OR2L13: variants seen among roughly 807,000 people sequenced by gnomAD.
The protein encoded by OR2L13 is olfactory receptor 2L13.
OR2L13 carries 14 observed loss-of-function variants against 15.3 expected under a neutral mutation model. The ratio of observed to expected loss-of-function variants is 0.91; its 90% CI spans 0.60 to 1.43. The LOEUF (loss-of-function observed/expected upper bound fraction) is 1.43, where lower values mean the gene tolerates loss of function less well. Among genes scored for constraint, OR2L13 ranks in the 40% most tolerant of loss-of-function variants. The pLI is 0.00. For synonymous variants in OR2L13, 152 were observed against 142.9 expected (o/e 1.06, Z -0.45); for missense variants, 367 against 387.9 (o/e 0.95, Z 0.45).
At chr1:247,957,394 C>T in the OR2L13 span, among the ~76,000 whole-genome samples, 2 of 152,102 alleles carry the variant, frequency 1.3e-5, no homozygotes, top group South Asian at 2.1e-4. Context: ...GGATATTGGT[C>T]TAAAATTCTC....
chr1:248,020,573 T>A, the OR2L13 span, among the ~76,000 whole-genome samples: 1 of 152,030 alleles, frequency 6.6e-6, no homozygotes, highest in African/African-American at 2.4e-5. Context: ...CCACAGTAAC[T>A]GGAGAATTGT....
chr1:248,075,012 T>C, the OR2L13 span, among the ~76,000 whole-genome samples: 1 of 152,144 alleles, frequency 6.6e-6, no homozygotes, highest in African/African-American at 2.4e-5. Context: ...CCTAATGCTG[T>C]CCCTCCCCCA....
the OR2L13 span, among the ~76,000 whole-genome samples, chr1:248,001,324 A>T: frequency 6.6e-6 from 1 of 151,890 alleles, no homozygotes; most frequent in Non-Finnish European, 1.5e-5. Flanking sequence ...CCTTCCTTTC[A>T]TGTGAGACGT....
At chr1:248,081,551 A>T in the OR2L13 span, among the ~76,000 whole-genome samples, 1 of 152,274 alleles carries the variant, frequency 6.6e-6, no homozygotes, top group East Asian at 1.9e-4. Flanking sequence ...GGTATGAGTA[A>T]TGAAATTTCC....
chr1:248,022,172 G>A, the OR2L13 span: 30 of 1,613,786 alleles, frequency 1.9e-5, no homozygotes, highest in Middle Eastern at 1.6e-4. Context: ...ACATCTCTAC[G>A]ATTGTTCCTA....
chr1:247,977,638 G>T, the OR2L13 span, among the ~76,000 whole-genome samples: 1 of 152,122 alleles, frequency 6.6e-6, no homozygotes, highest in Non-Finnish European at 1.5e-5. Flanking sequence ...GAACCAGCTC[G>T]CCCGATAGCC....
the OR2L13 span, among the ~76,000 whole-genome samples, chr1:248,044,487 A>T: frequency 6.6e-6 from 1 of 152,144 alleles, no homozygotes; most frequent in Non-Finnish European, 1.5e-5. Context: ...ACTTTAGCTC[A>T]TCACGCATCC....
the OR2L13 span, chr1:248,061,818 A>G: frequency 2.3e-6 from 1 of 435,676 alleles, no homozygotes; most frequent in East Asian, 3.5e-5. Flanking sequence ...TCTTCATGGC[A>G]TTGTTTCCAT....
At chr1:247,983,917 G>T in the OR2L13 span, among the ~76,000 whole-genome samples, 1 of 152,198 alleles carries the variant, frequency 6.6e-6, no homozygotes, top group Non-Finnish European at 1.5e-5. Flanking sequence ...CTTTTAATGG[G>T]GTCTTGGCGT....
chr1:248,060,165 A>G, the OR2L13 span, among the ~76,000 whole-genome samples: 13 of 152,348 alleles, frequency 8.5e-5, no homozygotes, highest in East Asian at 2.5e-3. Context: ...TATTCAATAT[A>G]ACATCTGATT....
At chr1:248,002,601 G>A in the OR2L13 span, among the ~76,000 whole-genome samples, 1 of 152,184 alleles carries the variant, frequency 6.6e-6, no homozygotes, top group African/African-American at 2.4e-5. Context: ...GCTCACGCCT[G>A]TAATCCCAGC....
chr1:248,067,608 G>A, the OR2L13 span, among the ~76,000 whole-genome samples: 6 of 152,218 alleles, frequency 3.9e-5, no homozygotes, highest in African/African-American at 1.4e-4. Context: ...CTGAGGTACC[G>A]GGTTCATCTC....
At chr1:248,029,081 A>G in the OR2L13 span, 2 of 152,196 alleles carry the variant, frequency 1.3e-5, no homozygotes, top group South Asian at 4.1e-4. Context: ...CCCCGACTGG[A>G]TCATTATACA....
the OR2L13 span, chr1:248,038,581 C>A: frequency 1.2e-6 from 2 of 1,614,190 alleles, no homozygotes; most frequent in South Asian, 2.2e-5. Flanking sequence ...TTCTTCTTGA[C>A]TTTAGCAGTT....
chr1:248,009,767 A>G, the OR2L13 span, among the ~76,000 whole-genome samples: 2 of 152,314 alleles, frequency 1.3e-5, no homozygotes, highest in African/African-American at 4.8e-5. Context: ...AAAATCCTCA[A>G]TAAAATACTG....
At chr1:248,003,646 T>C in the OR2L13 span, 945 of 1,609,182 alleles carry the variant, frequency 5.9e-4, 8 homozygotes, top group African/African-American at 0.011. Flanking sequence ...CATCTAGGGT[T>C]ATCAATCATT....
the OR2L13 span, among the ~76,000 whole-genome samples, chr1:248,070,041 C>T: frequency 6.6e-6 from 1 of 151,952 alleles, no homozygotes; most frequent in African/African-American, 2.4e-5. Flanking sequence ...CTTTAACACC[C>T]CACTGTCAAC....
At chr1:248,017,624 G>A in the OR2L13 span, among the ~76,000 whole-genome samples, 1 of 152,144 alleles carries the variant, frequency 6.6e-6, no homozygotes, top group Non-Finnish European at 1.5e-5. Flanking sequence ...TTTTAATGGG[G>A]TCTTGGCGTG....
the OR2L13 span, among the ~76,000 whole-genome samples, chr1:248,075,892 C>T: frequency 1.3e-5 from 2 of 152,106 alleles, no homozygotes; most frequent in Non-Finnish European, 2.9e-5. Flanking sequence ...GTTGCCATTG[C>T]TTTTGGTGTT....
Sources: allele counts gnomAD v4.1 joint callset (sites outside exome capture counted in the v4.1 genomes callset), GRCh38; gene constraint gnomAD v4.1.1; transcripts MANE v1.5; gene names NCBI Gene and HGNC (gene_info 2026-07-23, HGNC 2026-07-21).